KIAA1217: variants seen among roughly 807,000 people sequenced by gnomAD.
The protein encoded by KIAA1217 is KIAA1217.
In KIAA1217, 88 loss-of-function variants were observed where a neutral mutation model predicts 163.9. The ratio of observed to expected loss-of-function variants is 0.54; its 90% CI spans 0.45 to 0.64. The LOEUF is 0.64. Ranked by LOEUF, KIAA1217 falls within the 30% of genes least tolerant of loss-of-function variation. The pLI, the probability that KIAA1217 is intolerant of heterozygous loss-of-function variation, is 0.00. For missense variants in KIAA1217, 2,372 were observed against 2,475.0 expected (o/e 0.96, Z 0.88); for synonymous variants, 903 against 923.1 (o/e 0.98, Z 0.39).
intron 2 of KIAA1217, among the ~76,000 whole-genome samples, chr10:24,220,258 A>G (rs937653715): frequency 1.3e-5 from 2 of 152,218 alleles, no homozygotes; most frequent in Admixed American, 6.5e-5. Flanking sequence ...TACTGAGGAA[A>G]GCATGGCACC....
chr10:24,281,841 A>G (rs2077966552), intron 2 of KIAA1217, among the ~76,000 whole-genome samples: 1 of 152,188 alleles, frequency 6.6e-6, no homozygotes, highest in Admixed American at 6.5e-5. Flanking sequence ...CAGGCAGATC[A>G]TGAGGTCAGA....
At chr10:23,871,532 A>G (rs1303691937) in intron 1 of KIAA1217, among the ~76,000 whole-genome samples, 1 of 151,886 alleles carries the variant, frequency 6.6e-6, no homozygotes, top group Non-Finnish European at 1.5e-5. Context: ...ATCTTTCACC[A>G]CTACAAAGCC....
intron 2 of KIAA1217, among the ~76,000 whole-genome samples, chr10:24,074,568 A>G (rs1408089000): frequency 6.6e-6 from 1 of 152,174 alleles, no homozygotes; most frequent in East Asian, 1.9e-4. Context: ...AACCAAACAT[A>G]AAAGGGCAGA....
chr10:23,880,244 A>T (rs1840889646), intron 1 of KIAA1217, among the ~76,000 whole-genome samples: 1 of 152,012 alleles, frequency 6.6e-6, no homozygotes, highest in African/African-American at 2.4e-5. Context: ...TGGTATGTAC[A>T]CACAATGAAG....
intron 2 of KIAA1217, among the ~76,000 whole-genome samples, chr10:24,343,392 ATTAG>A (rs890655608): frequency 2.0e-5 from 3 of 152,080 alleles, no homozygotes; most frequent in African/African-American, 2.4e-5. Context: ...ATTTTCCTAT[ATTAG>A]TTAGTCAATT....
In KIAA1217 at chr10:23,795,761, A is replaced by G. The variant is rs781687534; in HGVS notation, c.-321+100527A>G. On this transcript the variant is annotated intron_variant, in intron 1 of 18. Transcript: ENST00000376462. ...AAGAGTGGTAGTCAGAGTTCAGTCC[A>G]TAGTTCCCCCTTTTCTGAGGTCTAT... 3.3e-5 allele frequency among the ~76,000 whole-genome samples: 5 copies of G among 152,300 alleles called. No homozygotes were observed. In the East Asian group the frequency reaches 5.8e-4, roughly 18 times the overall value.
chr10:24,236,160 T>TAA (rs78297244), intron 2 of KIAA1217, among the ~76,000 whole-genome samples: 2 of 152,084 alleles, frequency 1.3e-5, no homozygotes, highest in Non-Finnish European at 1.5e-5. Flanking sequence ...ATTTGAATGA[T>TAA]AAAAAAATTG....
chr10:24,531,769 C>G, intron 14 of KIAA1217, 61 bp from the exon 15 acceptor site: 2 of 1,460,072 alleles, frequency 1.4e-6, no homozygotes, highest in Non-Finnish European at 1.8e-6. Flanking sequence ...AGCAATATAC[C>G]AGACTTTCTG....
chr10:23,886,837 C>CT (rs907836939), intron 1 of KIAA1217, among the ~76,000 whole-genome samples: 1,756 of 139,286 alleles, frequency 0.013, 52 homozygotes, highest in Admixed American at 0.053. Flanking sequence ...ATCTTGTTGA[C>CT]TTTTTTTTTT....
rs1358088576 is a variant in KIAA1217 at position 24,380,862 on chromosome 10, T to C, written c.355-7T>C. The C allele has an allele frequency of 1.3e-6, 2 of 1,499,790 alleles. No individual in the cohort carries two copies. The highest frequency in any genetic ancestry group is 1.8e-6 in the Non-Finnish European group (2 of 1,121,834). 92.9% of individuals were successfully genotyped at this position (1,499,790 alleles called of 1,614,324 possible). A position where few individuals can be genotyped will look rare whatever the true frequency, so the allele number is the denominator to read the frequency against. ...TTTTCCCACTTTCTTTAAAATGCCT[T>C]TTGCAGACAAGGAGCCCCAAACTGT... is the stretch of plus-strand genomic sequence containing the variant. On this transcript the variant is annotated splice_polypyrimidine_tract_variant and splice_region_variant and intron_variant, in intron 2 of 20. Transcript: ENST00000376454.
chr10:23,798,070 TC>T (rs1836293147), intron 1 of KIAA1217, among the ~76,000 whole-genome samples: 1 of 152,178 alleles, frequency 6.6e-6, no homozygotes, highest in Admixed American at 6.6e-5. Context: ...TTTTGCCTCT[TC>T]CATTCAAACA....
rs200431069 is a variant in KIAA1217 at position 24,500,397 on chromosome 10, C to T, written c.1835-982C>T. ...AGCCTCTACTCCAGAAGAGTGTGTG[C>T]GTGTGTGTGTGTGTGTGTGTGTGTC... On this transcript the variant is annotated intron_variant, in intron 8 of 20. Transcript: ENST00000376454. 3.0e-3 allele frequency among the ~76,000 whole-genome samples: 370 copies of T among 125,174 alleles called. 2 individuals carry two copies. The highest frequency in any genetic ancestry group is 6.5e-3 in the African/African-American group (223 of 34,086). 82.1% of individuals were successfully genotyped at this position (125,174 alleles called of 152,430 possible).
At chr10:23,697,078 A>G (rs1836092138) in intron 1 of KIAA1217, among the ~76,000 whole-genome samples, 1 of 152,128 alleles carries the variant, frequency 6.6e-6, no homozygotes, top group African/African-American at 2.4e-5. Flanking sequence ...AATTACCAGC[A>G]CCCATCTCCG....
chr10:24,081,524 C>T (rs914461953), intron 2 of KIAA1217, among the ~76,000 whole-genome samples: 1 of 152,140 alleles, frequency 6.6e-6, no homozygotes, highest in Admixed American at 6.6e-5. Context: ...TCTTCCTCCT[C>T]GTTCCTTCCT....
At chr10:23,981,689 A>C (rs558318851) in intron 1 of KIAA1217, among the ~76,000 whole-genome samples, 1 of 152,164 alleles carries the variant, frequency 6.6e-6, no homozygotes, top group East Asian at 1.9e-4. Flanking sequence ...TCCTTTACAC[A>C]TGTCAAGACC....
At chr10:23,716,693 T>C (rs780651298) in intron 1 of KIAA1217, among the ~76,000 whole-genome samples, 4 of 152,194 alleles carry the variant, frequency 2.6e-5, no homozygotes, top group African/African-American at 9.6e-5. Context: ...CTGGTCCACC[T>C]TACTAGGAGC....
At chr10:23,771,089 C>T (rs1834775082) in intron 1 of KIAA1217, among the ~76,000 whole-genome samples, 1 of 152,126 alleles carries the variant, frequency 6.6e-6, no homozygotes, top group Non-Finnish European at 1.5e-5. Context: ...TGCAATGATG[C>T]CACCAAGAAT....
chr10:23,981,195 T>G (rs1337959168), intron 1 of KIAA1217, among the ~76,000 whole-genome samples: 1 of 152,242 alleles, frequency 6.6e-6, no homozygotes, highest in Non-Finnish European at 1.5e-5. Flanking sequence ...ATACAATTTA[T>G]TTTGGTACTT....
chr10:24,376,356 C>A (rs1367504273), intron 2 of KIAA1217, among the ~76,000 whole-genome samples: 1 of 152,206 alleles, frequency 6.6e-6, no homozygotes, highest in Non-Finnish European at 1.5e-5. Flanking sequence ...GAGACACCAA[C>A]TAGCTCAACC....
Sources: gnomAD v4.1 joint callset for allele counts (sites outside exome capture counted in the v4.1 genomes callset) on GRCh38, gnomAD v4.1.1 for gene constraint, MANE v1.5 for transcripts, NCBI Gene and HGNC (gene_info 2026-07-23, HGNC 2026-07-21) for gene names.